AGAP1: variants seen among roughly 807,000 people sequenced by gnomAD.
The protein encoded by AGAP1 is arf-GAP with GTPase, ANK repeat and PH domain-containing protein 1.
Under a neutral mutation model 105.3 loss-of-function variants are expected in AGAP1, and 29 were observed. The observed-to-expected ratio is 0.28, with a 90% CI of 0.21 to 0.38. The LOEUF is 0.38. AGAP1 is among the 10% of genes least tolerant of loss of function. The pLI is 1.00. For synonymous variants in AGAP1, 509 were observed against 485.9 expected (o/e 1.05, Z -0.63); for missense variants, 998 against 1,165.1 (o/e 0.86, Z 2.09).
chr2:235,913,636 T>C (rs78486655), intron 11 of AGAP1, among the ~76,000 whole-genome samples: 29 of 152,298 alleles, frequency 1.9e-4, no homozygotes, highest in Middle Eastern at 6.8e-3. Context: ...TATAACACAG[T>C]TGAATATTTC....
rs140555658 is a variant in AGAP1 at position 235,710,065 on chromosome 2, C to T, written c.222+828C>T. On this transcript the variant is annotated intron_variant, in intron 2 of 17. Transcript: ENST00000304032. ...GTGTGTATGTATTTTCTAATTTGACCGTGAAAGCAAAGCAGATGAGCTCTT... is the reference window on the plus strand; with the variant it reads ...GTGTGTATGTATTTTCTAATTTGACTGTGAAAGCAAAGCAGATGAGCTCTT... 3.6e-3 allele frequency among the ~76,000 whole-genome samples: 543 copies of T among 152,204 alleles called. 3 individuals are homozygous for T. Among genetic ancestry groups the T allele is most frequent in the Middle Eastern group, 0.034 (10 of 294 alleles).
chr2:235,790,200 A>G (rs1057316477), intron 6 of AGAP1, among the ~76,000 whole-genome samples: 46 of 152,314 alleles, frequency 3.0e-4, no homozygotes, highest in African/African-American at 1.0e-3. Flanking sequence ...ACGTACATTA[A>G]AGAAATTTTC....
rs1283657189 is a variant in AGAP1, at chr2:236,053,901, C to T, written c.2114+4620C>T. On this transcript the variant is annotated intron_variant, in intron 16 of 17. Coordinates refer to ENST00000304032, the MANE Select transcript of AGAP1 (RefSeq NM_001037131.3). This position sits in a 1 kb window ranked among gnomAD's most constrained non-coding sequence, Gnocchi z 4.6. ...CGAGTTTGCTGATTTAGTACGTATT[C>T]TTTTCCCTTTTTTAGCATCCTTTTT... is the stretch of plus-strand genomic sequence containing the variant. Among the ~76,000 whole-genome samples the T allele has an allele frequency of 5.9e-5, 9 of 152,262 alleles. No homozygotes were observed. The highest frequency in any genetic ancestry group is 5.9e-4 in the Admixed American group (9 of 15,288).
At position 235,864,571 on chromosome 2, in the gene AGAP1, G is replaced by T. The variant is rs1413600830; in HGVS notation, c.1051-18774G>T. 6.6e-6 allele frequency among the ~76,000 whole-genome samples: 1 copy of T among 152,180 alleles called. No individual in the cohort carries two copies. Among genetic ancestry groups the T allele is most frequent in the Non-Finnish European group, 1.5e-5 (1 of 68,030 alleles). The stretch of plus-strand genomic sequence containing the variant: ...CAGCATGGAGGGGCAGCCTGCAGAG[G>T]TGTCACCAGCAGCCATTAAGTGCAG... On this transcript the variant is annotated intron_variant, in intron 9 of 17. Coordinates refer to ENST00000304032, the MANE Select transcript of AGAP1 (RefSeq NM_001037131.3). This position sits in a 1 kb window ranked among gnomAD's most constrained non-coding sequence, Gnocchi z 5.0.
chr2:235,527,266 TG>T (rs1313273590), intron 1 of AGAP1, among the ~76,000 whole-genome samples: 1 of 152,148 alleles, frequency 6.6e-6, no homozygotes, highest in Admixed American at 6.5e-5. Context: ...ACATTTAAAT[TG>T]ACCTAAATCA....
intron 9 of AGAP1, among the ~76,000 whole-genome samples, chr2:235,835,696 G>A (rs764402534): frequency 5.9e-5 from 9 of 152,206 alleles, no homozygotes; most frequent in Non-Finnish European, 1.0e-4. Flanking sequence ...CCTGTGCTGG[G>A]CACTTTACAA....
At chr2:236,086,275 A>G (rs891564165) in intron 16 of AGAP1, among the ~76,000 whole-genome samples, 5 of 152,156 alleles carry the variant, frequency 3.3e-5, no homozygotes, top group Non-Finnish European at 5.9e-5. Flanking sequence ...CCAATTTACT[A>G]TTGACTTGAA....
At chr2:235,926,226 G>T (rs1559654473) in intron 11 of AGAP1, among the ~76,000 whole-genome samples, 1 of 152,358 alleles carries the variant, frequency 6.6e-6, no homozygotes, top group East Asian at 1.9e-4. Flanking sequence ...GAGAAAGTAT[G>T]ACACTATAAT....
intron 12 of AGAP1, among the ~76,000 whole-genome samples, chr2:235,945,678 G>A (rs968678835): frequency 6.6e-6 from 1 of 152,066 alleles, no homozygotes. Context: ...TTAGATTCGG[G>A]AGTGGGTACC....
intron 16 of AGAP1, among the ~76,000 whole-genome samples, chr2:236,060,875 A>C (rs2058174375): frequency 6.6e-6 from 1 of 152,076 alleles, no homozygotes; most frequent in Admixed American, 6.5e-5. Flanking sequence ...CTGCCTGATC[A>C]ACATAGTGAG....
In AGAP1 at chr2:235,953,123, T is replaced by C. The variant is rs754158936; in HGVS notation, c.1484-15339T>C. The stretch of plus-strand genomic sequence containing the variant: ...AAGGCTTGGGAGTCGCAAGGATCCC[T>C]TTTCATAATGAAACTTCCTGTCCAC... On this transcript the variant is annotated intron_variant, in intron 12 of 17. Transcript: ENST00000304032. This position sits in a 1 kb window ranked among gnomAD's most constrained non-coding sequence, Gnocchi z 5.2. Among the ~76,000 whole-genome samples, 8 of 152,224 alleles carry C rather than the reference T, an allele frequency of 5.3e-5. No individual in the cohort carries two copies. The highest frequency in any genetic ancestry group is 7.3e-5 in the Non-Finnish European group (5 of 68,046).
intron 1 of AGAP1, among the ~76,000 whole-genome samples, chr2:235,674,669 A>C (rs1948626350): frequency 6.6e-6 from 1 of 150,526 alleles, no homozygotes; most frequent in African/African-American, 2.4e-5. Context: ...GATTTGTATC[A>C]GTCAATTACT....
chr2:235,904,549 CTT>C lies in AGAP1; in HGVS notation c.1156-4186_1156-4185del, dbSNP rs891811070. Among the ~76,000 whole-genome samples the C allele has an allele frequency of 6.6e-6, 1 of 152,118 alleles. No individual in the cohort carries two copies. The highest frequency in any genetic ancestry group is 1.5e-5 in the Non-Finnish European group (1 of 68,020). ...CACGCCTTGTTAAAGGGTTTTTCCT[CTT>C]TTATCTTCGATCAGCATTTTCAACA... On this transcript the variant is annotated intron_variant, in intron 10 of 17. Transcript: ENST00000304032. The surrounding 1 kb of genome is among the most constrained non-coding windows in gnomAD (Gnocchi z 4.2).
At chr2:235,523,761 G>A (rs896197164) in intron 1 of AGAP1, among the ~76,000 whole-genome samples, 8 of 151,904 alleles carry the variant, frequency 5.3e-5, no homozygotes, top group Non-Finnish European at 7.4e-5. Context: ...ACTGACCACC[G>A]TGTGACCTGG....
In AGAP1 at chr2:236,092,427, C is replaced by T. The variant is rs1313269193; in HGVS notation, c.2115-27765C>T. Among the ~76,000 whole-genome samples the T allele has an allele frequency of 6.6e-6, 1 of 152,152 alleles. No homozygotes were observed. Among genetic ancestry groups the T allele is most frequent in the Admixed American group, 6.5e-5 (1 of 15,278 alleles). ...GTTTTGTTTGTGACAGAGTCTCGCT[C>T]TGTCACCCAGGCTGGAGTGTAGTGG... On this transcript the variant is annotated intron_variant, in intron 16 of 17. Transcript: ENST00000304032. The surrounding 1 kb of genome is among the most constrained non-coding windows in gnomAD (Gnocchi z 4.7).
Position 236,001,304 on chromosome 2 carries a change from C to T in AGAP1, c.1645+32681C>T, listed in dbSNP as rs1250218490. ...TCCGAGGAACCCAGAGGAGGAAACG[C>T]ATTTTTGTGGTTTCACGCCACCCAG... On this transcript the variant is annotated intron_variant, in intron 13 of 17. Transcript: ENST00000304032. The surrounding 1 kb of genome is among the most constrained non-coding windows in gnomAD (Gnocchi z 4.7). Among the ~76,000 whole-genome samples the T allele has an allele frequency of 6.6e-6, 1 of 152,222 alleles. No individual in the cohort carries two copies. Among genetic ancestry groups the T allele is most frequent in the East Asian group, 1.9e-4 (1 of 5,184 alleles).
At position 235,615,216 on chromosome 2, in the gene AGAP1, G is replaced by A. The variant is rs551152451; in HGVS notation, c.164-93963G>A. 1.3e-5 allele frequency among the ~76,000 whole-genome samples: 2 copies of A among 152,304 alleles called. No homozygotes were observed. The highest frequency in any genetic ancestry group is 2.4e-5 in the African/African-American group (1 of 41,572). ...CAGCCAGCTTGCACGGTCCAGGGAC[G>A]TCCCCACCCTCGGTTGGGTTGTCCA... is the stretch of plus-strand genomic sequence containing the variant. On this transcript the variant is annotated intron_variant, in intron 1 of 17. Transcript: ENST00000304032. The surrounding 1 kb of genome is among the most constrained non-coding windows in gnomAD (Gnocchi z 5.0).
At position 235,887,158 on chromosome 2, in the gene AGAP1, C is replaced by A. The variant is rs1014635987; in HGVS notation, c.1155+3709C>A. Among the ~76,000 whole-genome samples the A allele has an allele frequency of 6.6e-6, 1 of 152,200 alleles. No individual in the cohort carries two copies. Among genetic ancestry groups the A allele is most frequent in the African/African-American group, 2.4e-5 (1 of 41,452 alleles). On this transcript the variant is annotated intron_variant, in intron 10 of 17. Transcript: ENST00000304032. The surrounding 1 kb of genome is among the most constrained non-coding windows in gnomAD (Gnocchi z 4.1). ...TGATCTCAGTTAAACACGGACCATG[C>A]TGTGACACCCACATCCTTGGCTATC...
intron 1 of AGAP1, among the ~76,000 whole-genome samples, chr2:235,668,652 C>T (rs1948210463): frequency 6.6e-6 from 1 of 152,200 alleles, no homozygotes; most frequent in Non-Finnish European, 1.5e-5. Context: ...TCATCTATGT[C>T]TAAATATTGT....
Sources: gnomAD v4.1 joint callset for allele counts (sites outside exome capture counted in the v4.1 genomes callset) on GRCh38, gnomAD v4.1.1 for gene constraint, Gnocchi (gnomAD v3.1) non-coding constraint, MANE v1.5 for transcripts, NCBI Gene and HGNC (gene_info 2026-07-23, HGNC 2026-07-21) for gene names.